The following DDAH1 variants were observed in gnomAD, a reference collection of about 807,000 sequenced individuals.
The protein encoded by DDAH1 is N(G),N(G)-dimethylarginine dimethylaminohydrolase 1.
DDAH1 carries 19 observed loss-of-function variants against 28.8 expected under a neutral mutation model. That is an observed-to-expected ratio of 0.66 (90% CI 0.46 to 0.97). The LOEUF (loss-of-function observed/expected upper bound fraction) is 0.97, where lower values mean the gene tolerates loss of function less well. DDAH1 is among the 50% of genes least tolerant of loss of function. DDAH1 has a pLI of 0.00. For synonymous variants in DDAH1, 153 were observed against 154.4 expected (o/e 0.99, Z 0.07); for missense variants, 326 against 375.9 (o/e 0.87, Z 1.10).
In DDAH1 at chr1:85,416,260, GTTTT is replaced by G. The variant is rs149735541; in HGVS notation, c.303+48479_303+48482del. On this transcript the variant is annotated intron_variant, in intron 1 of 5. Coordinates refer to ENST00000284031, the MANE Select transcript of DDAH1 (RefSeq NM_012137.4). ...TAGTATTTGGTTTTTGTTTTTTTGGGTTTTTTTTTGAGACGGAGTCTCACTCCCG... is the reference window on the plus strand; with the variant it reads ...TAGTATTTGGTTTTTGTTTTTTTGGGTTTTTGAGACGGAGTCTCACTCCCG... Among the ~76,000 whole-genome samples the G allele has an allele frequency of 8.3e-3, 1,249 of 150,742 alleles. 2 individuals carry two copies. Among genetic ancestry groups the G allele is most frequent in the Non-Finnish European group, 0.013 (902 of 67,556 alleles).
chr1:85,536,666 T>C (rs1162224788), intron 1 of DDAH1, among the ~76,000 whole-genome samples: 7 of 152,086 alleles, frequency 4.6e-5, no homozygotes, highest in Admixed American at 1.3e-4. Context: ...AAGAAAACAG[T>C]GTTGGTAAGG....
chr1:85,349,237 A>G (rs1649048391), intron 4 of DDAH1, among the ~76,000 whole-genome samples: 1 of 152,272 alleles, frequency 6.6e-6, no homozygotes, highest in African/African-American at 2.4e-5. Flanking sequence ...ATTGTTCAGC[A>G]ACAATTAATA....
chr1:85,547,797 G>A (rs959898647), intron 1 of DDAH1, among the ~76,000 whole-genome samples: 1 of 152,190 alleles, frequency 6.6e-6, no homozygotes. Flanking sequence ...CAGGTCTGCA[G>A]AAGACAAGAC....
At chr1:85,394,842 T>C (rs1651732089) in intron 1 of DDAH1, among the ~76,000 whole-genome samples, 1 of 152,212 alleles carries the variant, frequency 6.6e-6, no homozygotes, top group Admixed American at 6.5e-5. Flanking sequence ...GTAACATTCC[T>C]GAAATGTCAG....
chr1:85,346,977 A>G (rs5003501), intron 4 of DDAH1, among the ~76,000 whole-genome samples: 18,957 of 152,182 alleles, frequency 0.12, 1,520 homozygotes, highest in South Asian at 0.29. Flanking sequence ...ACACTTCTCA[A>G]AAGAAGACAT....
intron 1 of DDAH1, among the ~76,000 whole-genome samples, chr1:85,432,411 T>A (rs1653727159): frequency 6.6e-6 from 1 of 152,206 alleles, no homozygotes; most frequent in Non-Finnish European, 1.5e-5. Context: ...ACAGAGATAA[T>A]GCAACTTCTG....
At chr1:85,410,954 T>G (rs1376745081) in intron 1 of DDAH1, among the ~76,000 whole-genome samples, 2 of 152,076 alleles carry the variant, frequency 1.3e-5, no homozygotes, top group South Asian at 2.1e-4. Context: ...GGAGACAGTA[T>G]AAAAGGGTAG....
chr1:85,414,369 C>A (rs1652790836), intron 1 of DDAH1, among the ~76,000 whole-genome samples: 1 of 152,146 alleles, frequency 6.6e-6, no homozygotes, highest in Non-Finnish European at 1.5e-5. Context: ...GAAGTAAGGT[C>A]TTAAACATGA....
intron 1 of DDAH1, among the ~76,000 whole-genome samples, chr1:85,516,057 T>C (rs1657459228): frequency 6.6e-6 from 1 of 151,856 alleles, no homozygotes. Context: ...CCACTTTTTT[T>C]CTAAGCGCAA....
At chr1:85,476,893 C>A (rs1033560974) in intron 2 of DDAH1, among the ~76,000 whole-genome samples, 2 of 152,188 alleles carry the variant, frequency 1.3e-5, no homozygotes, top group Non-Finnish European at 2.9e-5. Flanking sequence ...CCATAATACA[C>A]AACTAGCACT....
At chr1:85,428,095 C>G (rs1020450794) in intron 1 of DDAH1, among the ~76,000 whole-genome samples, 3 of 152,186 alleles carry the variant, frequency 2.0e-5, no homozygotes, top group African/African-American at 7.2e-5. Context: ...AGTAAGAACC[C>G]AAGTAGTTTG....
At chr1:85,474,554 T>C (rs1044396892) in intron 2 of DDAH1, among the ~76,000 whole-genome samples, 2 of 152,204 alleles carry the variant, frequency 1.3e-5, no homozygotes, top group Non-Finnish European at 2.9e-5. Context: ...GTCATCACTC[T>C]ATTCAAGAAG....
intron 1 of DDAH1, among the ~76,000 whole-genome samples, chr1:85,437,953 TA>T (rs1654016933): frequency 6.6e-6 from 1 of 152,074 alleles, no homozygotes; most frequent in Admixed American, 6.6e-5. Flanking sequence ...GTGAACTGGA[TA>T]AAGAAAATGT....
intron 4 of DDAH1, among the ~76,000 whole-genome samples, chr1:85,346,583 T>C (rs1263121670): frequency 6.6e-6 from 1 of 152,198 alleles, no homozygotes; most frequent in African/African-American, 2.4e-5. Flanking sequence ...AAGATCCCAC[T>C]CAAAATGATT....
intron 1 of DDAH1, among the ~76,000 whole-genome samples, chr1:85,457,383 G>A (rs1654933737): frequency 6.6e-6 from 1 of 152,028 alleles, no homozygotes; most frequent in Non-Finnish European, 1.5e-5. Context: ...ATGGCACTGG[G>A]CTGAGGTCTG....
chr1:85,357,540 A>T (rs983235402), intron 2 of DDAH1, among the ~76,000 whole-genome samples: 1 of 152,224 alleles, frequency 6.6e-6, no homozygotes, highest in Non-Finnish European at 1.5e-5. Flanking sequence ...AAAAATGGCT[A>T]TATCTTGACT....
chr1:85,324,655 G>T, intron 5 of DDAH1, 85 bp downstream of exon 5: 9 of 1,461,446 alleles, frequency 6.2e-6, no homozygotes, highest in Non-Finnish European at 7.6e-6. Context: ...TACAGGAAAA[G>T]GAGGCTCCTA....
chr1:85,379,922 A>G (rs943573333), intron 1 of DDAH1, among the ~76,000 whole-genome samples: 2 of 152,166 alleles, frequency 1.3e-5, no homozygotes, highest in African/African-American at 2.4e-5. Context: ...TGCCTGAATG[A>G]TTGCAAAGCC....
intron 4 of DDAH1, among the ~76,000 whole-genome samples, chr1:85,334,807 A>G (rs1439321897): frequency 6.6e-6 from 1 of 152,218 alleles, no homozygotes; most frequent in Non-Finnish European, 1.5e-5. Context: ...CTAGACACAA[A>G]GAAGTCTCCA....
Sources: allele counts gnomAD v4.1 joint callset (sites outside exome capture counted in the v4.1 genomes callset), GRCh38; gene constraint gnomAD v4.1.1; transcripts MANE v1.5; gene names NCBI Gene and HGNC (gene_info 2026-07-23, HGNC 2026-07-21).